Variants in ANK3 observed in about 807,000 individuals in gnomAD.
The protein encoded by ANK3 is ankyrin 3.
In ANK3, 57 loss-of-function variants were observed where a neutral mutation model predicts 370.9. That is an observed-to-expected ratio of 0.15 (90% CI 0.12 to 0.19). The LOEUF is 0.19. Ranked by LOEUF, ANK3 falls within the 10% of genes least tolerant of loss-of-function variation. The pLI, the probability that ANK3 is intolerant of heterozygous loss-of-function variation, is 1.00. For synonymous variants in ANK3, 1,929 were observed against 1,946.3 expected (o/e 0.99, Z 0.23); for missense variants, 4,439 against 5,302.1 (o/e 0.84, Z 5.06).
chr10:60,036,380 G>A (rs566015963), intron 43 of ANK3, among the ~76,000 whole-genome samples: 2 of 149,022 alleles, frequency 1.3e-5, no homozygotes, highest in African/African-American at 4.9e-5. Flanking sequence ...TTACTAAGGA[G>A]GGTCATGGTT....
intron 2 of ANK3, among the ~76,000 whole-genome samples, chr10:60,506,332 A>C (rs528450737): frequency 6.6e-6 from 1 of 152,246 alleles, no homozygotes; most frequent in South Asian, 2.1e-4. Flanking sequence ...ATCACTCAAG[A>C]AAATCCCAAA....
rs377612520 is a variant in ANK3, at chr10:60,076,413, T to C, written c.4468A>G (p.Thr1490Ala). ...AAGAATGGCTTGTATGAGTAAGTGG[T>C]GGGGAGGGATCTTGTTGCTCCTGTA... ...RSTGATRSLP[T>A]TYSYKPFFST... Residue 1490 changes from threonine to alanine, a missense_variant, in exon 37 of 44, where the codon ACC (threonine) becomes GCC (alanine). Physicochemically the swap from Thr to Ala is moderately conservative, Grantham distance 58. Coordinates refer to ENST00000280772, the MANE Select transcript of ANK3 (RefSeq NM_020987.5). 25 of 1,612,354 alleles carry C rather than the reference T, an allele frequency of 1.6e-5. No individual in the cohort carries two copies. The highest frequency in any genetic ancestry group is 2.7e-5 in the African/African-American group (2 of 74,822).
At chr10:60,175,445 G>C (rs1484440139) in intron 18 of ANK3, among the ~76,000 whole-genome samples, 2 of 151,904 alleles carry the variant, frequency 1.3e-5, no homozygotes, top group Non-Finnish European at 2.9e-5. Flanking sequence ...TTTTTTTCTT[G>C]AGTAGCTAAA....
intron 1 of ANK3, among the ~76,000 whole-genome samples, chr10:60,299,043 C>T (rs1043328945): frequency 6.6e-6 from 1 of 152,114 alleles, no homozygotes; most frequent in African/African-American, 2.4e-5. Context: ...TGCCAATATG[C>T]TTATATTACT....
chr10:60,469,525 GTATATATATATATATGGTGGTGTATATA>G lies in ANK3; in HGVS notation c.96+145633_96+145660del, dbSNP rs2065139851. Among the ~76,000 whole-genome samples, 9 of 14,206 alleles carry G rather than the reference GTATATATATATATATGGTGGTGTATATA, an allele frequency of 6.3e-4. 4 individuals carry two copies. The highest frequency in any genetic ancestry group is 2.2e-3 in the African/African-American group (9 of 4,002). The allele number at this position is 14,206 out of a possible 152,430, so 9.3% of individuals were successfully genotyped here. A position where few individuals can be genotyped will look rare whatever the true frequency, so the allele number is the denominator to read the frequency against. On this transcript the variant is annotated intron_variant, in intron 2 of 43. Coordinates refer to the ANK3 transcript ENST00000373827. ...TATGGTGGTATATATATATATGGTG[GTATATATATATATATGGTGGTGTATATA>G]TATATATATATATATATGGTGGTAT...
intron 16 of ANK3, among the ~76,000 whole-genome samples, 188 bp from the exon 17 acceptor site, chr10:60,187,100 A>C (rs2096358383): frequency 6.6e-6 from 1 of 151,868 alleles, no homozygotes; most frequent in Admixed American, 6.6e-5. Context: ...CTGCATTCCT[A>C]AGTAGGGAAA....
chr10:60,466,139 C>T (rs1361209898), intron 2 of ANK3, among the ~76,000 whole-genome samples: 3 of 151,992 alleles, frequency 2.0e-5, no homozygotes, highest in East Asian at 1.9e-4. Flanking sequence ...TTATGAAAAA[C>T]GGGTATAGAA....
rs562450083 is a variant in ANK3 at position 60,591,460 on chromosome 10, A to C, written c.96+23726T>G. Among the ~76,000 whole-genome samples, 98 of 151,976 alleles carry C rather than the reference A, an allele frequency of 6.4e-4. 1 individual carries two copies. Among genetic ancestry groups the C allele is most frequent in the Middle Eastern group, 3.4e-3 (1 of 294 alleles). ...GCTCAAGCAAATATTCTTCAAATGG[A>C]TGATTTTTCTGCTAAAGTTAGCCAG... On this transcript the variant is annotated intron_variant, in intron 2 of 43. Coordinates refer to the ANK3 transcript ENST00000373827.
chr10:60,485,703 G>A (rs1407002657), intron 2 of ANK3, among the ~76,000 whole-genome samples: 1 of 152,206 alleles, frequency 6.6e-6, no homozygotes, highest in Non-Finnish European at 1.5e-5. Context: ...TTGTGGCAGA[G>A]CGTGTGGCTT....
intron 28 of ANK3, among the ~76,000 whole-genome samples, chr10:60,089,039 A>G (rs1330762301): frequency 6.6e-6 from 1 of 152,198 alleles, no homozygotes; most frequent in African/African-American, 2.4e-5. Context: ...AAGAAAGTGA[A>G]TAAGAACTTA....
At chr10:60,551,269 T>A (rs79994045) in intron 2 of ANK3, among the ~76,000 whole-genome samples, 12,139 of 152,116 alleles carry the variant, frequency 0.08, 620 homozygotes, top group South Asian at 0.18. Context: ...AACAACTGTT[T>A]TAAAAAATAA....
At chr10:60,564,810 G>A (rs1280694988) in intron 2 of ANK3, among the ~76,000 whole-genome samples, 1 of 152,150 alleles carries the variant, frequency 6.6e-6, no homozygotes, top group Non-Finnish European at 1.5e-5. Flanking sequence ...ATAAACACTA[G>A]TTTAAATAAA....
chr10:60,200,040 T>C, intron 13 of ANK3, 89 bp downstream of exon 13: 2 of 933,916 alleles, frequency 2.1e-6, no homozygotes, highest in Non-Finnish European at 3.3e-6. Flanking sequence ...TAAAGTATTC[T>C]TGAAAGACTG....
chr10:60,195,174 T>C (rs1282967060), intron 16 of ANK3, among the ~76,000 whole-genome samples: 2 of 149,100 alleles, frequency 1.3e-5, no homozygotes, highest in Admixed American at 6.6e-5. Context: ...GATCACAAGG[T>C]CAGGAGATCG....
At chr10:60,120,023 GAACAA>G (rs1229865730) in intron 25 of ANK3, among the ~76,000 whole-genome samples, 1 of 151,910 alleles carries the variant, frequency 6.6e-6, no homozygotes, top group Non-Finnish European at 1.5e-5. Context: ...TAAGTAAAAA[GAACAA>G]AACTGGAAGA....
At chr10:60,675,683 C>CA (rs1183472785) in intron 1 of ANK3, among the ~76,000 whole-genome samples, 1 of 152,168 alleles carries the variant, frequency 6.6e-6, no homozygotes, top group East Asian at 1.9e-4. Context: ...ATAGTATCTA[C>CA]ATATAGGACA....
chr10:60,400,298 G>T (rs2063328504), intron 2 of ANK3, among the ~76,000 whole-genome samples: 1 of 152,126 alleles, frequency 6.6e-6, no homozygotes, highest in African/African-American at 2.4e-5. Flanking sequence ...TTTTTAAAAA[G>T]ATTTCAGATC....
chr10:60,079,538 A>G (rs1187443223), intron 36 of ANK3, among the ~76,000 whole-genome samples: 1 of 152,208 alleles, frequency 6.6e-6, no homozygotes, highest in Non-Finnish European at 1.5e-5. Context: ...GGGAAAAGCC[A>G]AAGATGTGAC....
intron 1 of ANK3, among the ~76,000 whole-genome samples, chr10:60,297,546 G>A (rs1020641094): frequency 2.0e-5 from 3 of 151,894 alleles, no homozygotes; most frequent in Non-Finnish European, 4.4e-5. Context: ...TATATTCTGA[G>A]GATCATGATA....
Sources: gnomAD v4.1 joint callset for allele counts (sites outside exome capture counted in the v4.1 genomes callset) on GRCh38, gnomAD v4.1.1 for gene constraint, MANE v1.5 for transcripts, NCBI Gene and HGNC (gene_info 2026-07-23, HGNC 2026-07-21) for gene names.